Variants in GABRA3 observed in about 807,000 individuals in gnomAD.
GABRA3 encodes the protein gamma-aminobutyric acid type A receptor subunit alpha3.
In GABRA3, 10 loss-of-function variants were observed where a neutral mutation model predicts 30.1. The observed-to-expected ratio is 0.33, with a 90% CI of 0.20 to 0.56. The LOEUF (loss-of-function observed/expected upper bound fraction) is 0.56, where lower values mean the gene tolerates loss of function less well. GABRA3 is among the 20% of genes least tolerant of loss of function. GABRA3 has a pLI of 0.89. For synonymous variants in GABRA3, 151 were observed against 146.8 expected (o/e 1.03, Z -0.21); for missense variants, 233 against 392.0 (o/e 0.59, Z 3.42).
chrX:152,360,739 T>TAAAAAAAAAAATA (rs1928471502), intron 2 of GABRA3, among the ~76,000 whole-genome samples: 1 of 56,011 alleles, frequency 1.8e-5, no homozygotes, highest in Non-Finnish European at 3.4e-5. Flanking sequence ...AAAAAAAAAT[T>TAAAAAAAAAAATA]AAAAAAAAAA....
intron 3 of GABRA3, among the ~76,000 whole-genome samples, chrX:152,325,581 A>G (rs1940041286): frequency 8.9e-6 from 1 of 112,110 alleles, no homozygotes; most frequent in Non-Finnish European, 1.9e-5. Flanking sequence ...ACCCAGGCAA[A>G]GAGGGTCTGG....
chrX:152,239,402 C>G (rs1208817827), intron 5 of GABRA3, among the ~76,000 whole-genome samples: 3 of 103,898 alleles, frequency 2.9e-5, no homozygotes, highest in Non-Finnish European at 3.9e-5. Flanking sequence ...CTGAGGAGAG[C>G]TTTTCTTCCA....
At chrX:152,314,045 G>A (rs1939836487) in intron 3 of GABRA3, among the ~76,000 whole-genome samples, 1 of 111,406 alleles carries the variant, frequency 9.0e-6, no homozygotes, top group Non-Finnish European at 1.9e-5. Context: ...GATATCATGA[G>A]GTCAAAAGTA....
intron 4 of GABRA3, among the ~76,000 whole-genome samples, chrX:152,259,455 G>T (rs150834206): frequency 2.7e-5 from 3 of 111,394 alleles, no homozygotes; most frequent in African/African-American, 9.8e-5. Flanking sequence ...TGCACAGCTC[G>T]CAGCTCCAAA....
intron 3 of GABRA3, among the ~76,000 whole-genome samples, chrX:152,306,544 T>C (rs1378936172): frequency 8.9e-6 from 1 of 111,734 alleles, no homozygotes; most frequent in Admixed American, 9.5e-5. Context: ...TCTTTCCCCA[T>C]TGTAATGGAG....
At chrX:152,275,144 A>C in intron 4 of GABRA3, among the ~76,000 whole-genome samples, 1 of 80,309 alleles carries the variant, frequency 1.2e-5, no homozygotes, top group Non-Finnish European at 2.2e-5. Flanking sequence ...ATAATATAAT[A>C]TATATATTTA....
intron 5 of GABRA3, among the ~76,000 whole-genome samples, chrX:152,232,875 C>A (rs1277991830): frequency 9.1e-6 from 1 of 110,406 alleles, no homozygotes; most frequent in Non-Finnish European, 1.9e-5. Context: ...ATTTTTAGGT[C>A]TTTGAGAAAT....
chrX:152,239,190 T>A (rs1414373636), intron 5 of GABRA3, among the ~76,000 whole-genome samples: 1 of 98,365 alleles, frequency 1.0e-5, no homozygotes, highest in Admixed American at 1.1e-4. Context: ...TCTGGTATGT[T>A]GTGTCTTTGT....
intron 4 of GABRA3, among the ~76,000 whole-genome samples, chrX:152,274,565 A>G (rs1194191253): frequency 5.4e-5 from 6 of 111,849 alleles, no homozygotes; most frequent in African/African-American, 1.6e-4. Context: ...TCAAGAAACA[A>G]AAAAGAAACC....
chrX:152,358,317 T>C (rs1296890251), intron 2 of GABRA3, among the ~76,000 whole-genome samples: 1 of 111,638 alleles, frequency 9.0e-6, no homozygotes, highest in Non-Finnish European at 1.9e-5. Flanking sequence ...ATGGCTATCG[T>C]GAATGGGATT....
intron 5 of GABRA3, among the ~76,000 whole-genome samples, chrX:152,234,541 T>G (rs1938158385): frequency 8.9e-6 from 1 of 111,742 alleles, no homozygotes; most frequent in African/African-American, 3.2e-5. Flanking sequence ...CATAAATTCT[T>G]TGCCAAGGCC....
intron 3 of GABRA3, among the ~76,000 whole-genome samples, chrX:152,306,285 T>C (rs1339437845): frequency 1.8e-5 from 2 of 111,975 alleles, no homozygotes; most frequent in African/African-American, 3.2e-5. Context: ...TTGGGCAATA[T>C]CTGCTAAAGC....
chrX:152,448,189 G>T (rs1435080623), intron 1 of GABRA3, among the ~76,000 whole-genome samples: 1 of 112,109 alleles, frequency 8.9e-6, no homozygotes, highest in Non-Finnish European at 1.9e-5. Flanking sequence ...TACTTGAAGT[G>T]TGGTCAGTGG....
At chrX:152,269,983 T>C (rs760310818) in intron 4 of GABRA3, among the ~76,000 whole-genome samples, 26 of 111,619 alleles carry the variant, frequency 2.3e-4, no homozygotes, top group Admixed American at 7.6e-4. Flanking sequence ...AAAGTAAAAA[T>C]TGACAAGTGG....
At chrX:152,386,637 T>A (rs1016165956) in intron 1 of GABRA3, among the ~76,000 whole-genome samples, 8 of 106,834 alleles carry the variant, frequency 7.5e-5, no homozygotes, top group African/African-American at 2.7e-4. Context: ...CATTAAAAAG[T>A]CAGGAAACAA....
At chrX:152,422,837 T>C (rs919924747) in intron 1 of GABRA3, among the ~76,000 whole-genome samples, 5 of 110,900 alleles carry the variant, frequency 4.5e-5, no homozygotes, top group East Asian at 2.9e-4. Context: ...CTATTGTATA[T>C]TTGAAACTCG....
chrX:152,405,208 T>A (rs777162006), intron 1 of GABRA3, among the ~76,000 whole-genome samples: 11 of 102,267 alleles, frequency 1.1e-4, no homozygotes, highest in Non-Finnish European at 2.2e-4. Flanking sequence ...TAGAACTCAG[T>A]GGCCCTGTCA....
chrX:152,400,729 G>A (rs1929773013), intron 1 of GABRA3, among the ~76,000 whole-genome samples: 4 of 111,374 alleles, frequency 3.6e-5, no homozygotes, highest in South Asian at 7.7e-4. Flanking sequence ...ATAATTACAT[G>A]AGCCTTTAAA....
intron 3 of GABRA3, among the ~76,000 whole-genome samples, chrX:152,337,069 A>G (rs1211753250): frequency 2.7e-5 from 3 of 111,280 alleles, no homozygotes; most frequent in Non-Finnish European, 5.7e-5. Flanking sequence ...ATATTTTTTT[A>G]TAAAAATTTA....
Sources: gnomAD v4.1 joint callset for allele counts (sites outside exome capture counted in the v4.1 genomes callset) on GRCh38, gnomAD v4.1.1 for gene constraint, MANE v1.5 for transcripts, NCBI Gene and HGNC (gene_info 2026-07-23, HGNC 2026-07-21) for gene names.